Variants in DLC1 observed in about 807,000 individuals in gnomAD.
DLC1 encodes the protein rho GTPase-activating protein 7.
Under a neutral mutation model 140.3 loss-of-function variants are expected in DLC1, and 54 were observed. The ratio of observed to expected loss-of-function variants is 0.38; its 90% confidence interval spans 0.31 to 0.48. The LOEUF is 0.48. Ranked by LOEUF, DLC1 falls within the 20% of genes least tolerant of loss-of-function variation. The probability of loss-of-function intolerance (pLI) is 0.96; values close to 1 mark genes in which losing one functional copy is unlikely to be tolerated. For missense variants in DLC1, 2,536 were observed against 1,907.0 expected, an observed-to-expected ratio of 1.33 and a Z score of -6.14; for synonymous variants, 986 against 728.1, an observed-to-expected ratio of 1.35 and a Z score of -5.70.
chr8:13,203,087 C>A (rs1201397433), intron 5 of DLC1, among the ~76,000 whole-genome samples: 1 of 152,184 alleles, frequency 6.6e-6, no homozygotes, highest in African/African-American at 2.4e-5. Flanking sequence ...TATGCCTCTT[C>A]TTCTGAAAAC....
At chr8:13,520,534 A>G (rs924994786) in intron 1 of DLC1, among the ~76,000 whole-genome samples, 1 of 152,180 alleles carries the variant, frequency 6.6e-6, no homozygotes, top group Non-Finnish European at 1.5e-5. Context: ...TGATGGGTTG[A>G]TGGGTGCAGC....
chr8:13,129,154 G>T (rs1490217381), intron 5 of DLC1, among the ~76,000 whole-genome samples: 1 of 152,206 alleles, frequency 6.6e-6, no homozygotes, highest in South Asian at 2.1e-4. Context: ...AAACACCGCT[G>T]ATGGCGCTCA....
intron 1 of DLC1, chr8:13,584,399 T>C (rs1467347743): frequency 6.5e-6 from 1 of 152,934 alleles, no homozygotes; most frequent in Non-Finnish European, 1.5e-5. Flanking sequence ...GAAGCCCAGA[T>C]TGGTGCAGCT....
intron 4 of DLC1, among the ~76,000 whole-genome samples, chr8:13,331,176 G>T (rs1230131990): frequency 3.3e-5 from 5 of 152,158 alleles, no homozygotes; most frequent in Non-Finnish European, 7.3e-5. Context: ...TATACAGATT[G>T]GTGGTTTGTA....
intron 5 of DLC1, among the ~76,000 whole-genome samples, chr8:13,216,686 A>T (rs4831898): frequency 0.32 from 48,683 of 151,888 alleles, 9,226 homozygotes; most frequent in East Asian, 0.82. Context: ...TCTCAACCTC[A>T]GGACTATGTA....
chr8:13,195,561 G>A (rs1312117802), intron 5 of DLC1, among the ~76,000 whole-genome samples: 2 of 152,164 alleles, frequency 1.3e-5, no homozygotes, highest in Non-Finnish European at 2.9e-5. Flanking sequence ...AATTTTGTAG[G>A]TTCTTTGTGT....
intron 5 of DLC1, among the ~76,000 whole-genome samples, chr8:13,233,409 C>T (rs1029887576): frequency 1.3e-5 from 2 of 149,884 alleles, no homozygotes; most frequent in East Asian, 2.0e-4. Flanking sequence ...TTTTTACCCT[C>T]ATTTCATGAC....
At chr8:13,577,716 T>C (rs377369624) in intron 1 of DLC1, among the ~76,000 whole-genome samples, 3 of 152,212 alleles carry the variant, frequency 2.0e-5, no homozygotes, top group South Asian at 4.1e-4. Context: ...TGGGCTTTTG[T>C]TTCCTCCTTG....
At chr8:13,508,234 A>C (rs1802195312) in intron 1 of DLC1, among the ~76,000 whole-genome samples, 1 of 152,194 alleles carries the variant, frequency 6.6e-6, no homozygotes, top group African/African-American at 2.4e-5. Context: ...GGCTCAAGCC[A>C]GCCAGATTTG....
intron 1 of DLC1, among the ~76,000 whole-genome samples, chr8:13,593,466 A>C (rs1805586508): frequency 1.3e-5 from 2 of 152,134 alleles, no homozygotes; most frequent in Non-Finnish European, 1.5e-5. Flanking sequence ...TTCTAGATGA[A>C]ATCTTAAGAT....
chr8:13,525,145 T>C (rs1802880100), intron 1 of DLC1, among the ~76,000 whole-genome samples: 4 of 152,218 alleles, frequency 2.6e-5, no homozygotes. Flanking sequence ...TTGAGATCCA[T>C]CCATGTTGTT....
At chr8:13,431,456 C>A (rs1212840229) in intron 2 of DLC1, among the ~76,000 whole-genome samples, 2 of 124,200 alleles carry the variant, frequency 1.6e-5, no homozygotes, top group African/African-American at 3.1e-5. Context: ...GCACTCCAGC[C>A]TGGGCCACAG....
chr8:13,597,480 C>G (rs1563466226), intron 1 of DLC1, among the ~76,000 whole-genome samples: 1 of 151,994 alleles, frequency 6.6e-6, no homozygotes, highest in Non-Finnish European at 1.5e-5. Context: ...GTTTCCTGAG[C>G]TATGTTTGTC....
chr8:13,098,446 C>T lies in DLC1; in HGVS notation c.3120G>A (p.Thr1040=), dbSNP rs372211550. Residue 1040 remains threonine (T), a synonymous_variant, in exon 10 of 18, where the codon ACG becomes ACA. Transcript: ENST00000276297. ...AAGGTGTGTATTTCTCCAGCAGGGCCGTTAGCTTTAGGAGTGAGTATTTCT... is the reference window on the plus strand; with the variant it reads ...AAGGTGTGTATTTCTCCAGCAGGGCTGTTAGCTTTAGGAGTGAGTATTTCT... ...LLQKYSLLKL[T]ALLEKYTPSN... is the part of the protein sequence containing the mutation. The T allele has an allele frequency of 1.3e-4, 203 of 1,613,994 alleles. 1 individual carries two copies. The highest frequency in any genetic ancestry group is 4.3e-4 in the South Asian group (39 of 91,082).
chr8:13,155,461 A>T (rs1824184968), intron 5 of DLC1, among the ~76,000 whole-genome samples: 1 of 152,092 alleles, frequency 6.6e-6, no homozygotes, highest in Non-Finnish European at 1.5e-5. Context: ...TTTTTAGGCT[A>T]AAACAATAAT....
intron 1 of DLC1, among the ~76,000 whole-genome samples, chr8:13,590,583 C>T (rs1375171811): frequency 6.6e-6 from 1 of 151,944 alleles, no homozygotes; most frequent in African/African-American, 2.4e-5. Context: ...TTGTTCAGCT[C>T]CAGAATTTTA....
intron 1 of DLC1, among the ~76,000 whole-genome samples, chr8:13,538,427 A>G (rs755866912): frequency 1.3e-5 from 2 of 151,632 alleles, no homozygotes; most frequent in Non-Finnish European, 2.9e-5. Context: ...TTCTTTACAG[A>G]TGGTGTCAAC....
intron 1 of DLC1, among the ~76,000 whole-genome samples, chr8:13,534,395 T>G (rs1803200113): frequency 2.0e-5 from 3 of 152,196 alleles, no homozygotes; most frequent in African/African-American, 7.2e-5. Flanking sequence ...TAACTGTAAT[T>G]CAATAGAAGG....
At chr8:13,593,275 A>T (rs77024796) in intron 1 of DLC1, among the ~76,000 whole-genome samples, 2,205 of 152,258 alleles carry the variant, frequency 0.014, 58 homozygotes, top group African/African-American at 0.051. Context: ...TAGAAGTATC[A>T]GAGAAATTAA....
Sources: allele counts gnomAD v4.1 joint callset (sites outside exome capture counted in the v4.1 genomes callset), GRCh38; gene constraint gnomAD v4.1.1; transcripts MANE v1.5; gene names NCBI Gene and HGNC (gene_info 2026-07-23, HGNC 2026-07-21).